The following SHPK variants were observed in gnomAD, a reference collection of about 807,000 sequenced individuals.
SHPK encodes sedoheptulokinase.
In SHPK, 51 loss-of-function variants were observed where a neutral mutation model predicts 46.3. The ratio of observed to expected loss-of-function variants is 1.10; its 90% confidence interval spans 0.88 to 1.39. The LOEUF (loss-of-function observed/expected upper bound fraction) is 1.39. Ranked by LOEUF, SHPK falls within the 40% of genes most tolerant of loss-of-function variation. SHPK has a pLI of 0.00. For synonymous variants in SHPK, 290 were observed against 273.9 expected (o/e 1.06, Z -0.58); for missense variants, 668 against 641.3 (o/e 1.04, Z -0.45).
intron 1 of SHPK, 76 bp from the exon 2 acceptor site, chr17:3,630,422 C>G: frequency 1.4e-6 from 2 of 1,434,052 alleles, no homozygotes; most frequent in South Asian, 2.7e-5. Flanking sequence ...CCGGGATGTC[C>G]TGGAGGAGGA....
At chr17:3,620,227 G>C (rs906995294) in intron 5 of SHPK, among the ~76,000 whole-genome samples, 6 of 151,922 alleles carry the variant, frequency 3.9e-5, no homozygotes, top group African/African-American at 1.4e-4. Flanking sequence ...ACCTCACCAT[G>C]ATTCCCTTAC....
intron 4 of SHPK, among the ~76,000 whole-genome samples, 169 bp downstream of exon 4, chr17:3,623,170 G>T (rs541369788): frequency 3.3e-5 from 5 of 152,108 alleles, no homozygotes; most frequent in African/African-American, 1.2e-4. Context: ...CTTACACTGG[G>T]CCCATCCATG....
Position 3,624,221 on chromosome 17 carries a change from C to T in SHPK, c.321G>A (p.Trp107Ter). The change falls in exon 3 of 7, where the codon TGG becomes TGA. Residue 107 changes from tryptophan (W) to a stop codon, truncating the protein, a stop_gained. Transcript: ENST00000225519. LOFTEE classifies it high-confidence loss of function. ...VFWKTGQGCE[W>*]TEGGITPVFE... ...ACACCGGGGTAATCCCTCCCTCTGT[C>T]CATTCACAGCCTGGAACAAAAGAGA... 1 of 1,609,344 alleles carries T rather than the reference C, an allele frequency of 6.2e-7. No individual in the cohort carries two copies. Among genetic ancestry groups the T allele is most frequent in the Non-Finnish European group, 8.5e-7 (1 of 1,176,386 alleles).
At chr17:3,624,364 G>C in intron 2 of SHPK, 133 bp from the exon 3 acceptor site, 1 of 799,674 alleles carries the variant, frequency 1.3e-6, no homozygotes, top group Admixed American at 2.7e-5. Context: ...CACACCTATG[G>C]GTCCTGATAG....
intron 2 of SHPK, among the ~76,000 whole-genome samples, chr17:3,625,134 A>G (rs1314205554): frequency 6.6e-6 from 1 of 152,038 alleles, no homozygotes; most frequent in Non-Finnish European, 1.5e-5. Context: ...GCCACCAAAT[A>G]TTTCTCATGT....
Position 3,630,271 on chromosome 17 carries a change from G to A in SHPK, c.244C>T (p.Arg82Trp), listed in dbSNP as rs372157211. ...GACACCCCGATGCCCACGACGCTCCGGAGCTGGGGTCGGGGAAGGGCAGCA... is the reference window on the plus strand; with the variant it reads ...GACACCCCGATGCCCACGACGCTCCAGAGCTGGGGTCGGGGAAGGGCAGCA... Reference protein sequence around the residue: ...CLAALPRPQLRSVVGIGVSGQ... With the variant: ...CLAALPRPQLWSVVGIGVSGQ... The change falls in exon 2 of 7, where the codon CGG becomes TGG. Residue 82 changes from arginine (R) to tryptophan (W), a missense_variant. By Grantham distance (101) the Arg-to-Trp change is moderately radical. Transcript: ENST00000225519. The A allele has an allele frequency of 4.0e-5, 64 of 1,613,644 alleles. No individual in the cohort carries two copies. Among genetic ancestry groups the A allele is most frequent in the Middle Eastern group, 3.3e-4 (2 of 6,084 alleles).
chr17:3,616,850 G>A (rs2075373764), intron 5 of SHPK, among the ~76,000 whole-genome samples: 1 of 152,288 alleles, frequency 6.6e-6, no homozygotes, highest in Admixed American at 6.5e-5. Context: ...TGACTCTCCT[G>A]CCTCAGCCTC....
intron 3 of SHPK, among the ~76,000 whole-genome samples, 197 bp downstream of exon 3, chr17:3,623,848 AACT>A (rs1371651402): frequency 2.2e-4 from 33 of 152,166 alleles, no homozygotes; most frequent in Admixed American, 2.2e-3. Flanking sequence ...TGTGGGTGGG[AACT>A]GGATAACCAA....
At position 3,635,207 on chromosome 17, in the gene SHPK, A is replaced by AAGGT. The variant is rs1567688830; in HGVS notation, c.168+844_168+845insACCT. Among the ~76,000 whole-genome samples the AAGGT allele has an allele frequency of 1.3e-4, 16 of 122,868 alleles. 1 individual carries two copies. Among genetic ancestry groups the AAGGT allele is most frequent in the African/African-American group, 3.5e-4 (13 of 36,806 alleles). 80.6% of individuals were successfully genotyped at this position (122,868 alleles called of 152,430 possible). On this transcript the variant is annotated intron_variant, in intron 1 of 6. Transcript: ENST00000225519. ...AAAGGAAAGAATGAAGGAAGGAAGGAAGGAAGGAAGGAAGGAAGGAAGGAA... is the reference window on the plus strand; with the variant it reads ...AAAGGAAAGAATGAAGGAAGGAAGGAAGGTAGGAAGGAAGGAAGGAAGGAAGGAA...
At chr17:3,627,689 T>C (rs1392699448) in intron 2 of SHPK, among the ~76,000 whole-genome samples, 1 of 151,490 alleles carries the variant, frequency 6.6e-6, no homozygotes, top group African/African-American at 2.4e-5. Context: ...AGCAGCTCTT[T>C]CCAACGATGT....
chr17:3,624,506 T>C (rs2075421507), intron 2 of SHPK, among the ~76,000 whole-genome samples: 1 of 152,044 alleles, frequency 6.6e-6, no homozygotes, highest in Non-Finnish European at 1.5e-5. Flanking sequence ...TCTCCCCACA[T>C]CTCAGAAGAT....
chr17:3,628,038 C>T (rs1427241905), intron 2 of SHPK, among the ~76,000 whole-genome samples: 1 of 151,838 alleles, frequency 6.6e-6, no homozygotes, highest in African/African-American at 2.4e-5. Flanking sequence ...TTGCCCAGCC[C>T]CATCCTGGGA....
chr17:3,635,705 G>A (rs529563513), intron 1 of SHPK, among the ~76,000 whole-genome samples: 1 of 152,306 alleles, frequency 6.6e-6, no homozygotes, highest in East Asian at 1.9e-4. Flanking sequence ...AGCAGCAAGA[G>A]TGAAAGGGAG....
intron 1 of SHPK, among the ~76,000 whole-genome samples, chr17:3,630,821 G>T (rs920522212): frequency 6.6e-6 from 1 of 152,096 alleles, no homozygotes; most frequent in African/African-American, 2.4e-5. Flanking sequence ...CCGAGATCAC[G>T]CCACGGCACT....
rs769387773 is a variant in SHPK, at chr17:3,610,467, T to C, written c.*93A>G. ...CAAGCACTGCTTGAAAGCTGTCCAC[T>C]GAACGGTCCAGGGAAAGGATGACCC... On this transcript the variant is annotated 3_prime_UTR_variant, in exon 7 of 7. Coordinates refer to ENST00000225519, the MANE Select transcript of SHPK (RefSeq NM_013276.4). The C allele has an allele frequency of 7.5e-7, 1 of 1,338,726 alleles. No homozygotes were observed. The allele number at this position is 1,338,726 out of a possible 1,614,324, so 82.9% of individuals were successfully genotyped here. A position where few individuals can be genotyped will look rare whatever the true frequency, so the allele number is the denominator to read the frequency against.
chr17:3,618,435 C>A (rs2075380313), intron 5 of SHPK, among the ~76,000 whole-genome samples: 1 of 152,102 alleles, frequency 6.6e-6, no homozygotes, highest in Non-Finnish European at 1.5e-5. Flanking sequence ...AAATGTACTT[C>A]TTCTATCCAA....
intron 4 of SHPK, among the ~76,000 whole-genome samples, 179 bp downstream of exon 4, chr17:3,623,160 C>G (rs1192336596): frequency 6.6e-6 from 1 of 152,162 alleles, no homozygotes; most frequent in Non-Finnish European, 1.5e-5. Context: ...CAGGGCTGTG[C>G]TTACACTGGG....
rs781366427 is a variant in SHPK, at chr17:3,621,012, G to C, written c.823+225C>G. 2.6e-5 allele frequency among the ~76,000 whole-genome samples: 4 copies of C among 152,352 alleles called. No individual in the cohort carries two copies. In the East Asian group the frequency reaches 5.8e-4, roughly 22 times the overall value. The stretch of plus-strand genomic sequence containing the variant: ...CCCAGCCCCAGAGGTGGTCAGCACA[G>C]ATGGTTGGTGCTCAGGGACAGAACT... On this transcript the variant is annotated intron_variant, in intron 5 of 6. Transcript: ENST00000225519.
chr17:3,613,700 C>A (rs1021006024), intron 6 of SHPK, among the ~76,000 whole-genome samples: 2 of 152,032 alleles, frequency 1.3e-5, no homozygotes, highest in African/African-American at 4.8e-5. Flanking sequence ...GCTTATCTTT[C>A]TTTAGTAAAA....
Sources: allele counts gnomAD v4.1 joint callset (sites outside exome capture counted in the v4.1 genomes callset), GRCh38; gene constraint gnomAD v4.1.1; transcripts MANE v1.5; gene names NCBI Gene and HGNC (gene_info 2026-07-23, HGNC 2026-07-21).